Variants in DPP6 observed in about 807,000 individuals in gnomAD.
The protein encoded by DPP6 is A-type potassium channel modulatory protein DPP6.
Under a neutral mutation model 122.6 loss-of-function variants are expected in DPP6, and 69 were observed. The observed-to-expected ratio is 0.56, with a 90% CI of 0.46 to 0.69. The LOEUF (loss-of-function observed/expected upper bound fraction) is 0.69, where lower values mean the gene tolerates loss of function less well. Among genes scored for constraint, DPP6 ranks in the 30% least tolerant of loss-of-function variants. The pLI is 0.00. For synonymous variants in DPP6, 418 were observed against 433.1 expected (o/e 0.97, Z 0.43); for missense variants, 928 against 1,116.9 (o/e 0.83, Z 2.41).
At chr7:154,336,333 G>C (rs185354792) in intron 1 of DPP6, among the ~76,000 whole-genome samples, 1 of 152,124 alleles carries the variant, frequency 6.6e-6, no homozygotes, top group Non-Finnish European at 1.5e-5. Context: ...TGGTGGTGCC[G>C]GGATGGTATG....
At chr7:154,693,847 C>G (rs1053715107) in intron 7 of DPP6, among the ~76,000 whole-genome samples, 19 of 152,192 alleles carry the variant, frequency 1.2e-4, no homozygotes, top group Admixed American at 1.2e-3. Flanking sequence ...AAGTTTCTGT[C>G]TAAGTCTGGG....
chr7:154,555,086 G>T (rs991651527), intron 4 of DPP6, among the ~76,000 whole-genome samples: 6 of 151,950 alleles, frequency 3.9e-5, no homozygotes, highest in Non-Finnish European at 8.8e-5. Flanking sequence ...TTCAATTATA[G>T]CCAGGTATCA....
Position 154,889,306 on chromosome 7 carries a change from A to C in DPP6, c.2339A>C (p.Glu780Ala). ...GTAGCCCATCGAGTCTCCGCGCTGG[A>C]AGAACAGCAGTTCCTGATCATTCAT... is the stretch of plus-strand genomic sequence containing the variant. ...TKVAHRVSALEEQQFLIIHPT... is the reference protein window; with the variant it reads ...TKVAHRVSALAEQQFLIIHPT... Residue 780 changes from glutamate to alanine, a missense_variant, in exon 24 of 26, where the codon GAA becomes GCA. Transcript: ENST00000377770. 2 of 1,613,096 alleles carry C rather than the reference A, an allele frequency of 1.2e-6. No homozygotes were observed. The highest frequency in any genetic ancestry group is 1.7e-6 in the Non-Finnish European group (2 of 1,179,716).
intron 7 of DPP6, among the ~76,000 whole-genome samples, chr7:154,673,499 G>T (rs1175324486): frequency 6.6e-6 from 1 of 152,156 alleles, no homozygotes; most frequent in Admixed American, 6.5e-5. Flanking sequence ...ATGACTGCAG[G>T]GGGAGTGGCC....
chr7:154,351,699 G>C (rs1471457425), intron 1 of DPP6, among the ~76,000 whole-genome samples: 1 of 152,170 alleles, frequency 6.6e-6, no homozygotes, highest in African/African-American at 2.4e-5. Context: ...TTAAGGAGGG[G>C]AAAGTTAAGT....
chr7:154,475,694 G>A (rs1822672691), intron 3 of DPP6: 1 of 152,484 alleles, frequency 6.6e-6, no homozygotes. Flanking sequence ...AATTGGGTCT[G>A]AAATAATTCA....
chr7:154,460,513 T>G (rs1365395434), intron 2 of DPP6, among the ~76,000 whole-genome samples: 2 of 152,222 alleles, frequency 1.3e-5, no homozygotes, highest in Non-Finnish European at 2.9e-5. Context: ...GCCTCTTGAC[T>G]TGTCACTAGA....
chr7:154,750,786 G>C (rs1455010425), intron 8 of DPP6, among the ~76,000 whole-genome samples: 1 of 152,238 alleles, frequency 6.6e-6, no homozygotes, highest in Non-Finnish European at 1.5e-5. Context: ...GAGTTAAAGC[G>C]AGAGGGCAGG....
intron 8 of DPP6, among the ~76,000 whole-genome samples, chr7:154,759,732 A>G (rs1795409390): frequency 6.6e-6 from 1 of 152,236 alleles, no homozygotes. Context: ...CTCTGTGTCC[A>G]GCCAGATAGC....
chr7:154,628,940 G>A (rs1332666324), intron 5 of DPP6, among the ~76,000 whole-genome samples: 1 of 152,212 alleles, frequency 6.6e-6, no homozygotes, highest in East Asian at 1.9e-4. Context: ...CCTCATGTCA[G>A]GTGAAAGGTG....
At chr7:153,751,864 T>G in the DPP6 span, among the ~76,000 whole-genome samples, 2 of 151,460 alleles carry the variant, frequency 1.3e-5, no homozygotes, top group African/African-American at 4.8e-5. Flanking sequence ...GGATTGAGTT[T>G]CTTTGCTTAG....
At chr7:154,640,139 C>T (rs1835977289) in intron 6 of DPP6, among the ~76,000 whole-genome samples, 1 of 152,172 alleles carries the variant, frequency 6.6e-6, no homozygotes, top group African/African-American at 2.4e-5. Context: ...CTAGTCCCAG[C>T]TACTCAGGAG....
chr7:154,826,435 C>A (rs560669607), intron 16 of DPP6, among the ~76,000 whole-genome samples: 1 of 152,298 alleles, frequency 6.6e-6, no homozygotes, highest in African/African-American at 2.4e-5. Flanking sequence ...ATCTTCCCAA[C>A]TGTCTCCTAG....
intron 1 of DPP6, among the ~76,000 whole-genome samples, chr7:154,207,905 CGATCATGCCACT>C (rs1799533481): frequency 6.6e-6 from 1 of 150,600 alleles, no homozygotes; most frequent in Non-Finnish European, 1.5e-5. Context: ...CAGTGGGCCA[CGATCATGCCACT>C]GCACTCCAGC....
At chr7:154,829,691 A>G (rs1800477791) in intron 16 of DPP6, among the ~76,000 whole-genome samples, 1 of 152,198 alleles carries the variant, frequency 6.6e-6, no homozygotes, top group African/African-American at 2.4e-5. Context: ...ACGCAAGAGC[A>G]TCAGTCTCAG....
At chr7:154,297,038 C>A (rs1404062740) in intron 1 of DPP6, among the ~76,000 whole-genome samples, 2 of 149,646 alleles carry the variant, frequency 1.3e-5, no homozygotes, top group African/African-American at 4.9e-5. Context: ...GGCATATCTG[C>A]TAGGTTGATT....
intron 1 of DPP6, among the ~76,000 whole-genome samples, chr7:153,896,054 G>A (rs374915967): frequency 5.9e-5 from 9 of 152,240 alleles, no homozygotes; most frequent in South Asian, 2.1e-4. Flanking sequence ...GTCTCACTAC[G>A]AGAGGTCTAA....
chr7:154,196,223 C>T (rs568793489), intron 1 of DPP6, among the ~76,000 whole-genome samples: 149 of 152,288 alleles, frequency 9.8e-4, no homozygotes, highest in Non-Finnish European at 1.7e-3. Context: ...GGCACGGTGG[C>T]TCATGCCTGT....
intron 6 of DPP6, among the ~76,000 whole-genome samples, chr7:154,640,398 T>C (rs1319984927): frequency 1.3e-5 from 2 of 152,172 alleles, no homozygotes; most frequent in African/African-American, 4.8e-5. Context: ...GCAAGTACAT[T>C]TATTGGAAAA....
Sources: allele counts gnomAD v4.1 joint callset (sites outside exome capture counted in the v4.1 genomes callset), GRCh38; gene constraint gnomAD v4.1.1; transcripts MANE v1.5; gene names NCBI Gene and HGNC (gene_info 2026-07-23, HGNC 2026-07-21).